PAH: variants seen among roughly 807,000 people sequenced by gnomAD.
PAH encodes phenylalanine hydroxylase, also known as phenylalanine-4-hydroxylase.
A neutral mutation model predicts 62.0 loss-of-function variants in PAH; 64 were observed. The ratio of observed to expected loss-of-function variants is 1.03; its 90% CI spans 0.84 to 1.27. The LOEUF is 1.27. PAH is among the 50% of genes most tolerant of loss of function. The probability of loss-of-function intolerance (pLI) is 0.00; values close to 1 mark genes in which losing one functional copy is unlikely to be tolerated. For synonymous variants in PAH, 195 were observed against 196.2 expected, an observed-to-expected ratio of 0.99 and a Z score of 0.05; for missense variants, 579 against 542.8, an observed-to-expected ratio of 1.07 and a Z score of -0.66.
At chr12:102,928,975 C>T (rs538129804) in intron 1 of PAH, among the ~76,000 whole-genome samples, 37 of 152,284 alleles carry the variant, frequency 2.4e-4, no homozygotes, top group African/African-American at 8.2e-4. Context: ...CAAATTGGGG[C>T]GTTCTCATGC....
intron 4 of PAH, among the ~76,000 whole-genome samples, chr12:102,867,587 C>A (rs537180639): frequency 6.6e-6 from 1 of 152,238 alleles, no homozygotes; most frequent in African/African-American, 2.4e-5. Flanking sequence ...TTCTTCCAAG[C>A]CTTTCCCAGT....
intron 1 of PAH, among the ~76,000 whole-genome samples, chr12:102,932,972 G>A (rs554518505): frequency 6.6e-6 from 1 of 152,218 alleles, no homozygotes; most frequent in Non-Finnish European, 1.5e-5. Context: ...TTCTTTCTTT[G>A]TGTTACAAAC....
Position 102,898,148 on chromosome 12 carries a change from C to T in PAH, c.169-3230G>A, listed in dbSNP as rs187406594. Among the ~76,000 whole-genome samples, 436 of 152,304 alleles carry T rather than the reference C, an allele frequency of 2.9e-3. 6 individuals are homozygous for T. Among genetic ancestry groups the T allele is most frequent in the Admixed American group, 0.026 (395 of 15,298 alleles). ...CATGGAAGCATCCCACTCCCACATTCGTGCAAAGAGCTGGGAAGCTGCTTT... is the reference window on the plus strand; with the variant it reads ...CATGGAAGCATCCCACTCCCACATTTGTGCAAAGAGCTGGGAAGCTGCTTT... On this transcript the variant is annotated intron_variant, in intron 2 of 12. Transcript: ENST00000553106.
upstream of PAH, among the ~76,000 whole-genome samples, chr12:102,921,084 A>T (rs946046683): frequency 2.0e-5 from 3 of 152,180 alleles, no homozygotes; most frequent in African/African-American, 7.2e-5. Flanking sequence ...TTAATTTCAC[A>T]AAGTGCTGCC....
At chr12:102,841,788 T>G (rs1253876170) in intron 11 of PAH, among the ~76,000 whole-genome samples, 2 of 152,190 alleles carry the variant, frequency 1.3e-5, no homozygotes, top group Non-Finnish European at 2.9e-5. Context: ...TTTGGGTGAT[T>G]TACCCCTACC....
chr12:102,953,832 A>G (rs1335113889), upstream of PAH: 1 of 152,240 alleles, frequency 6.6e-6, no homozygotes, highest in Non-Finnish European at 1.5e-5. Flanking sequence ...CAGAACACTG[A>G]ATGCTGCTAT....
intron 2 of PAH, among the ~76,000 whole-genome samples, chr12:102,910,071 A>G (rs189430896): frequency 5.4e-4 from 82 of 152,318 alleles, no homozygotes; most frequent in African/African-American, 1.9e-3. Flanking sequence ...TTCATTCTTA[A>G]TTGAACACAA....
At chr12:102,866,276 T>G (rs1048408492) in intron 5 of PAH, among the ~76,000 whole-genome samples, 3 of 152,142 alleles carry the variant, frequency 2.0e-5, no homozygotes, top group Non-Finnish European at 4.4e-5. Flanking sequence ...GGAGGCTGTT[T>G]TATTCAGGAC....
chr12:102,873,527 C>T (rs1397560868), intron 4 of PAH, among the ~76,000 whole-genome samples: 1 of 152,194 alleles, frequency 6.6e-6, no homozygotes, highest in Non-Finnish European at 1.5e-5. Flanking sequence ...GAGCAGTTAG[C>T]CTGCTCTGGT....
chr12:102,866,997 G>A (rs535801792), intron 4 of PAH, among the ~76,000 whole-genome samples: 40 of 152,320 alleles, frequency 2.6e-4, no homozygotes, highest in African/African-American at 9.6e-4. Flanking sequence ...TGATGAAGAT[G>A]TACAATATCC....
rs1197749288 is a variant in PAH, at chr12:102,957,515, G to A, written c.-96+680C>T. Among the ~76,000 whole-genome samples, 3 of 151,114 alleles carry A rather than the reference G, an allele frequency of 2.0e-5. No homozygotes were observed. Among genetic ancestry groups the A allele is most frequent in the Non-Finnish European group, 4.4e-5 (3 of 67,738 alleles). The stretch of plus-strand genomic sequence containing the variant: ...AGGGGGGGAGAGGAGAGGAGGAGGG[G>A]GAGTTTAGGGAGTGGGTGGGAGGAA... On this transcript the variant is annotated intron_variant, in intron 1 of 4. Transcript: ENST00000551337. This position sits in a 1 kb window ranked among gnomAD's most constrained non-coding sequence, Gnocchi z 4.1.
At chr12:102,954,592 A>G (rs1565887534), upstream of PAH, among the ~76,000 whole-genome samples, 1 of 152,308 alleles carries the variant, frequency 6.6e-6, no homozygotes, top group East Asian at 1.9e-4. Flanking sequence ...AAAGGGGCCT[A>G]GATACCAAGT....
intron 11 of PAH, 32 bp from the exon 12 acceptor site, chr12:102,840,547 G>T: frequency 2.1e-6 from 3 of 1,419,876 alleles, no homozygotes; most frequent in Non-Finnish European, 3.0e-6. Flanking sequence ...TGAGTGAAGG[G>T]CACCATTTGG....
At chr12:102,883,809 C>A (rs1277784629) in intron 3 of PAH, among the ~76,000 whole-genome samples, 2 of 152,220 alleles carry the variant, frequency 1.3e-5, no homozygotes, top group African/African-American at 2.4e-5. Flanking sequence ...TCATCATACA[C>A]ACTTTGGAGC....
intron 1 of PAH, among the ~76,000 whole-genome samples, chr12:102,926,241 C>A (rs1313481172): frequency 6.6e-6 from 1 of 151,862 alleles, no homozygotes; most frequent in African/African-American, 2.4e-5. Context: ...AAGTCGGGTG[C>A]TGAGGGAAGA....
intron 1 of PAH, among the ~76,000 whole-genome samples, chr12:102,925,788 A>G (rs1406389096): frequency 1.3e-5 from 2 of 152,182 alleles, no homozygotes; most frequent in Non-Finnish European, 2.9e-5. Context: ...CATTAAAATA[A>G]GATTTCAGGC....
chr12:102,882,582 A>G (rs1239170775), intron 3 of PAH, among the ~76,000 whole-genome samples: 2 of 150,112 alleles, frequency 1.3e-5, no homozygotes, highest in Admixed American at 1.3e-4. Context: ...GTATGTATAT[A>G]TACACATACA....
At chr12:102,848,924 TG>T (rs1875022167) in intron 8 of PAH, among the ~76,000 whole-genome samples, 1 of 136,582 alleles carries the variant, frequency 7.3e-6, no homozygotes, top group African/African-American at 2.8e-5. Flanking sequence ...AGAGGCTGAG[TG>T]TAGACGGGAC....
chr12:102,868,481 C>T (rs1876160706), intron 4 of PAH, among the ~76,000 whole-genome samples: 1 of 151,820 alleles, frequency 6.6e-6, no homozygotes, highest in Admixed American at 6.6e-5. Context: ...AATGTGATTA[C>T]TCTGTTTAGA....
Sources: gnomAD v4.1 joint callset for allele counts (sites outside exome capture counted in the v4.1 genomes callset) on GRCh38, gnomAD v4.1.1 for gene constraint, Gnocchi (gnomAD v3.1) non-coding constraint, MANE v1.5 for transcripts, NCBI Gene and HGNC (gene_info 2026-07-23, HGNC 2026-07-21) for gene names.